The following SGO1 variants were observed in gnomAD, a reference collection of about 807,000 sequenced individuals.
SGO1 encodes the protein shugoshin 1, also known as serologically defined breast cancer antigen NY-BR-85.
SGO1 carries 39 observed loss-of-function variants against 50.5 expected under a neutral mutation model. That is an observed-to-expected ratio of 0.77 (90% CI 0.60 to 1.01). The LOEUF (loss-of-function observed/expected upper bound fraction) is 1.01. SGO1 is among the 50% of genes least tolerant of loss of function. The pLI is 0.00. For missense variants in SGO1, 638 were observed against 606.0 expected, an observed-to-expected ratio of 1.05 and a Z score of -0.55; for synonymous variants, 191 against 205.1, an observed-to-expected ratio of 0.93 and a Z score of 0.59.
downstream of SGO1, among the ~76,000 whole-genome samples, chr3:20,168,747 G>A (rs372532741): frequency 3.4e-4 from 52 of 150,868 alleles, no homozygotes; most frequent in African/African-American, 1.1e-3. Flanking sequence ...GGTTCACGCC[G>A]TTCTCCTGCC....
chr3:20,162,608 A>G (rs1700095414), intron 8 of SGO1, among the ~76,000 whole-genome samples: 1 of 152,200 alleles, frequency 6.6e-6, no homozygotes, highest in African/African-American at 2.4e-5. Context: ...AAAGTATAAT[A>G]ATCGACTAAA....
At chr3:20,163,387 C>T (rs1700138609) in intron 8 of SGO1, among the ~76,000 whole-genome samples, 1 of 152,048 alleles carries the variant, frequency 6.6e-6, no homozygotes, top group African/African-American at 2.4e-5. Context: ...ACAGAACTAA[C>T]ATTGGAATTG....
At chr3:20,184,094 A>G (rs1702350511) in intron 1 of SGO1, 60 bp from the exon 2 acceptor site, 1 of 1,369,594 alleles carries the variant, frequency 7.3e-7, no homozygotes, top group Non-Finnish European at 9.8e-7. Flanking sequence ...AACTTAAAAA[A>G]CATAGGCTGT....
downstream of SGO1, among the ~76,000 whole-genome samples, chr3:20,166,918 G>T (rs1042743170): frequency 1.3e-5 from 2 of 150,302 alleles, no homozygotes; most frequent in African/African-American, 4.9e-5. Flanking sequence ...AGGTAAAGGG[G>T]ATCCTTTGAA....
intron 4 of SGO1, 143 bp from the exon 5 acceptor site, chr3:20,176,802 G>A (rs1701444325): frequency 5.6e-6 from 3 of 537,514 alleles, no homozygotes; most frequent in Non-Finnish European, 9.7e-6. Flanking sequence ...CTGTATCAAA[G>A]GAAACCAAAG....
intron 3 of SGO1, among the ~76,000 whole-genome samples, chr3:20,182,517 T>G (rs984552545): frequency 5.3e-5 from 8 of 152,132 alleles, no homozygotes; most frequent in Non-Finnish European, 1.2e-4. Context: ...TCCTTGGCAG[T>G]GGCTACTGGA....
chr3:20,180,884 T>C (rs367596268), intron 3 of SGO1, among the ~76,000 whole-genome samples: 1 of 152,286 alleles, frequency 6.6e-6, no homozygotes, highest in African/African-American at 2.4e-5. Flanking sequence ...CCCAGCACAT[T>C]GGGAGGCCAA....
chr3:20,170,903 A>C, intron 7 of SGO1, 88 bp from the exon 8 acceptor site: 1 of 1,502,434 alleles, frequency 6.7e-7, no homozygotes, highest in Non-Finnish European at 8.9e-7. Context: ...AAAACACACC[A>C]ATTTTAAATG....
chr3:20,161,625 A>C (rs1028355495), intron 8 of SGO1, among the ~76,000 whole-genome samples: 2 of 152,184 alleles, frequency 1.3e-5, no homozygotes, highest in Non-Finnish European at 2.9e-5. Flanking sequence ...GAGGCATCCC[A>C]AGGGCCTAGA....
chr3:20,175,419 A>C (rs1040235957), intron 5 of SGO1, among the ~76,000 whole-genome samples: 1 of 152,194 alleles, frequency 6.6e-6, no homozygotes, highest in African/African-American at 2.4e-5. Context: ...TATAATGTAA[A>C]TACTCCAAAA....
Position 20,170,953 on chromosome 3 carries a change from A to C in SGO1, c.1472+90T>G, listed in dbSNP as rs190246133. ...TTTTTAAATCAAATGTTTATATTTCAGAAAAAACTCATTCTTGAACAAAGC... is the reference window on the plus strand; with the variant it reads ...TTTTTAAATCAAATGTTTATATTTCCGAAAAAACTCATTCTTGAACAAAGC... On this transcript the variant is annotated intron_variant, in intron 7 of 7. Coordinates refer to ENST00000412997, the MANE Select transcript of SGO1 (RefSeq NM_001199251.3). 9.2e-5 allele frequency: 135 copies of C among 1,467,850 alleles called. No homozygotes were observed. In the African/African-American group the frequency reaches 1.8e-3, roughly 20 times the overall value. The allele number at this position is 1,467,850 out of a possible 1,614,324, so 90.9% of individuals were successfully genotyped here.
downstream of SGO1, among the ~76,000 whole-genome samples, chr3:20,166,006 T>C (rs753127606): frequency 6.6e-6 from 1 of 152,120 alleles, no homozygotes; most frequent in Non-Finnish European, 1.5e-5. Flanking sequence ...TGAGCCAAGA[T>C]TGTACCACTG....
chr3:20,181,892 G>C (rs1490628452), intron 3 of SGO1, among the ~76,000 whole-genome samples: 2 of 152,092 alleles, frequency 1.3e-5, no homozygotes, highest in Non-Finnish European at 2.9e-5. Context: ...CGAGACACCT[G>C]AACAACATGG....
chr3:20,178,191 G>T, intron 4 of SGO1, 80 bp downstream of exon 4: 3 of 968,650 alleles, frequency 3.1e-6, no homozygotes, highest in Non-Finnish European at 4.9e-6. Flanking sequence ...TTGACATGAT[G>T]CACATTTCCT....
chr3:20,169,376 A>G (rs1484611858), downstream of SGO1: 1 of 984,832 alleles, frequency 1.0e-6, no homozygotes, highest in Non-Finnish European at 1.2e-6. Context: ...CCCCCCTCAA[A>G]AAAGAGAATA....
At position 20,185,992 on chromosome 3, in the gene SGO1, G is replaced by T. The variant is rs1702627106; in HGVS notation, c.-52C>A. On this transcript the variant is annotated 5_prime_UTR_variant, in exon 1 of 8. Transcript: ENST00000412997. ...TCTTTCAGGGACTCCAGGAAGGCCG[G>T]GGGGAGGTGGGGCTGGCGGAAGTGG... is the stretch of plus-strand genomic sequence containing the variant. 6.6e-6 allele frequency: 1 copy of T among 152,382 alleles called. No homozygotes were observed. Among genetic ancestry groups the T allele is most frequent in the Non-Finnish European group, 1.5e-5 (1 of 68,198 alleles). 9.4% of individuals were successfully genotyped at this position (152,382 alleles called of 1,614,324 possible).
chr3:20,186,885 A>G (rs1159983083), upstream of SGO1, among the ~76,000 whole-genome samples: 1 of 152,116 alleles, frequency 6.6e-6, no homozygotes, highest in African/African-American at 2.4e-5. Context: ...TCTCATGCCC[A>G]TCTTTTTCCC....
rs1701215831 is a variant in SGO1, at chr3:20,174,981, C to A, written c.550G>T (p.Val184Phe). The change falls in exon 6 of 8, where the codon GTC (valine) becomes TTC (phenylalanine). Residue 184 changes from valine (V) to phenylalanine (F), a missense_variant. Physicochemically the swap from Val to Phe is conservative, Grantham distance 50. Transcript: ENST00000412997. ...DSGEAKSTDNVLPRTVSVRSS... is the reference protein window; with the variant it reads ...DSGEAKSTDNFLPRTVSVRSS... ...CGAACAGATACAGTTCTAGGTAAGA[C>A]ATTATCAGTAGACTTAGCTTCACCT... 1 of 1,609,800 alleles carries A rather than the reference C, an allele frequency of 6.2e-7. No homozygotes were observed. The highest frequency in any genetic ancestry group is 1.7e-5 in the Admixed American group (1 of 59,436).
rs1444611912 is a variant in SGO1 at position 20,186,115 on chromosome 3, C to T, written c.-175G>A. ...CTCCTCCTCACATTTCAAGGCTCTTCGAAGCTCTCCAGCCACGGCTAGCCC... is the reference window on the plus strand; with the variant it reads ...CTCCTCCTCACATTTCAAGGCTCTTTGAAGCTCTCCAGCCACGGCTAGCCC... On this transcript the variant is annotated 5_prime_UTR_variant, in exon 1 of 8. Transcript: ENST00000412997. 1 of 152,700 alleles carries T rather than the reference C, an allele frequency of 6.5e-6. No homozygotes were observed. The highest frequency in any genetic ancestry group is 2.4e-5 in the African/African-American group (1 of 41,466). The allele number at this position is 152,700 out of a possible 1,614,324, so 9.5% of individuals were successfully genotyped here. A position where few individuals can be genotyped will look rare whatever the true frequency, so the allele number is the denominator to read the frequency against.
Sources: gnomAD v4.1 joint callset for allele counts (sites outside exome capture counted in the v4.1 genomes callset) on GRCh38, gnomAD v4.1.1 for gene constraint, MANE v1.5 for transcripts, NCBI Gene and HGNC (gene_info 2026-07-23, HGNC 2026-07-21) for gene names.